Variants in ABCA13 observed in about 807,000 individuals in gnomAD.
ABCA13 encodes the protein ATP-binding cassette sub-family A member 13.
A neutral mutation model predicts 478.7 loss-of-function variants in ABCA13; 476 were observed. The ratio of observed to expected loss-of-function variants is 0.99; its 90% CI spans 0.92 to 1.07. The LOEUF is 1.07. ABCA13 is among the 50% of genes least tolerant of loss of function. The probability of loss-of-function intolerance (pLI) is 0.00; values close to 1 mark genes in which losing one functional copy is unlikely to be tolerated. For synonymous variants in ABCA13, 2,252 were observed against 2,158.9 expected, an observed-to-expected ratio of 1.04 and a Z score of -1.20; for missense variants, 6,060 against 5,910.6, an observed-to-expected ratio of 1.03 and a Z score of -0.83.
Position 48,274,189 on chromosome 7 carries a change from C to A in ABCA13, c.4523C>A (p.Thr1508Lys), listed in dbSNP as rs370867441. 185 of 1,612,004 alleles carry A rather than the reference C, an allele frequency of 1.1e-4. No homozygotes were observed. The highest frequency in any genetic ancestry group is 1.5e-4 in the Non-Finnish European group (178 of 1,178,862). Residue 1508 changes from threonine (T) to lysine (K), a missense_variant, in exon 17 of 62, where the codon ACA (threonine) becomes AAA (lysine). By Grantham distance (78) the Thr-to-Lys change is moderately conservative. Coordinates refer to ENST00000435803, the MANE Select transcript of ABCA13 (RefSeq NM_152701.5). ...KQVRMSINNLTTDFDFASQSN... is the reference protein window; with the variant it reads ...KQVRMSINNLKTDFDFASQSN... ...GTAAGGATGAGTATCAACAACTTAA[C>A]AACAGACTTTGATTTTGCATCTCAG... is the stretch of plus-strand genomic sequence containing the variant.
At chr7:48,528,192 C>A in intron 54 of ABCA13, 44 bp from the exon 55 acceptor site, 2 of 1,438,808 alleles carry the variant, frequency 1.4e-6, no homozygotes, top group Non-Finnish European at 1.9e-6. Flanking sequence ...ATTTATTTAG[C>A]TTGTTTGATT....
chr7:48,310,156 C>A lies in ABCA13; in HGVS notation c.9516+15C>A. ...TCATTTACAAGGTATGGAGAGCATG[C>A]TGGCTGGGGGCAGTCCTCTGCAGGA... On this transcript the variant is annotated intron_variant, in intron 24 of 61. Transcript: ENST00000435803. 1.3e-6 allele frequency: 2 copies of A among 1,592,392 alleles called. No individual in the cohort carries two copies. Among genetic ancestry groups the A allele is most frequent in the South Asian group, 1.2e-5 (1 of 86,690 alleles).
intron 47 of ABCA13, among the ~76,000 whole-genome samples, chr7:48,488,310 A>G (rs1829531196): frequency 6.6e-6 from 1 of 151,950 alleles, no homozygotes; most frequent in South Asian, 2.1e-4. Flanking sequence ...CCACAAACAC[A>G]ATAGCTGCCA....
intron 19 of ABCA13, among the ~76,000 whole-genome samples, chr7:48,287,675 G>A (rs373032592): frequency 3.0e-4 from 45 of 152,312 alleles, no homozygotes; most frequent in African/African-American, 1.0e-3. Flanking sequence ...GGGTGAATGG[G>A]TACCCCACTT....
At chr7:48,255,397 G>A (rs746990521) in intron 15 of ABCA13, among the ~76,000 whole-genome samples, 1 of 152,124 alleles carries the variant, frequency 6.6e-6, no homozygotes, top group Non-Finnish European at 1.5e-5. Flanking sequence ...AGTATGTGAT[G>A]ATCCCATCAC....
intron 19 of ABCA13, among the ~76,000 whole-genome samples, chr7:48,287,420 C>T (rs2128801741): frequency 6.6e-6 from 1 of 152,156 alleles, no homozygotes; most frequent in East Asian, 1.9e-4. Context: ...GACAGACGCA[C>T]AGATGGAGAG....
At chr7:48,301,321 T>C (rs1430138015) in intron 23 of ABCA13, among the ~76,000 whole-genome samples, 1 of 152,140 alleles carries the variant, frequency 6.6e-6, no homozygotes, top group Non-Finnish European at 1.5e-5. Context: ...GGGCCGGTCC[T>C]GGGGGCTGGT....
At chr7:48,223,362 A>G (rs1787650995) in intron 5 of ABCA13, among the ~76,000 whole-genome samples, 1 of 152,160 alleles carries the variant, frequency 6.6e-6, no homozygotes, top group Non-Finnish European at 1.5e-5. Flanking sequence ...CTTCAAGGTC[A>G]TCAAGGGAGA....
chr7:48,556,366 T>C (rs1278218389), intron 55 of ABCA13, among the ~76,000 whole-genome samples: 1 of 152,014 alleles, frequency 6.6e-6, no homozygotes, highest in Non-Finnish European at 1.5e-5. Context: ...GTTGATTTTC[T>C]GTTTATAATA....
chr7:48,218,972 A>G (rs1378140207), intron 3 of ABCA13, among the ~76,000 whole-genome samples: 23 of 152,200 alleles, frequency 1.5e-4, no homozygotes, highest in Admixed American at 1.5e-3. Flanking sequence ...CTCCGTAATT[A>G]TCTCTGTCTC....
At chr7:48,333,718 A>G (rs1195096179) in intron 27 of ABCA13, among the ~76,000 whole-genome samples, 1 of 152,158 alleles carries the variant, frequency 6.6e-6, no homozygotes, top group East Asian at 1.9e-4. Flanking sequence ...GAAAGGACAG[A>G]TGAGATTTCT....
chr7:48,303,849 T>C (rs919371144), intron 23 of ABCA13, among the ~76,000 whole-genome samples: 1 of 152,202 alleles, frequency 6.6e-6, no homozygotes, highest in African/African-American at 2.4e-5. Flanking sequence ...ATCTTTTATA[T>C]TTTCATCCAA....
rs200520049 is a variant in ABCA13 at position 48,467,042 on chromosome 7, G to A, written c.12902G>A (p.Arg4301His). Residue 4301 changes from arginine to histidine, a missense_variant, in exon 44 of 62, where the codon CGC becomes CAC. Around this residue, in one of 3 missense-constraint regions of ABCA13, gnomAD observed 1,627 missense variants for 1,571.0 expected, o/e 1.04. Transcript: ENST00000435803. The part of the protein sequence containing the change: ...QDLPCADLNP[R>H]QKNSSCWRTD... ...TTGCCCTGTGCAGATTTAAACCCAC[G>A]CCAGTAAGTGTCAGGTGCTCTCTGC... 2.4e-4 allele frequency: 393 copies of A among 1,613,770 alleles called. 1 individual carries two copies. Among genetic ancestry groups the A allele is most frequent in the Non-Finnish European group, 3.1e-4 (365 of 1,179,808 alleles).
chr7:48,586,952 C>T (rs1421284947), intron 56 of ABCA13, among the ~76,000 whole-genome samples: 2 of 152,122 alleles, frequency 1.3e-5, no homozygotes, highest in Non-Finnish European at 2.9e-5. Context: ...TTAGATGTCT[C>T]CAGCTGCAGA....
rs1358748278 is a variant in ABCA13 at position 48,580,269 on chromosome 7, T to C, written c.14400T>C (p.Ile4800=). The change falls in exon 56 of 62, where the codon ATT becomes ATC. Residue 4800 remains isoleucine (I), a synonymous_variant. Transcript: ENST00000435803. ...CTGCTGGCACGGCAGGCGTGCTCAT[T>C]GGCTACTGTCCCCAGCAGGATGCCC... ...LSSAGTAGVL[I]GYCPQQDALD... The C allele has an allele frequency of 6.2e-7, 1 of 1,611,790 alleles. No individual in the cohort carries two copies. Among genetic ancestry groups the C allele is most frequent in the South Asian group, 1.1e-5 (1 of 90,590 alleles).
chr7:48,214,632 T>C (rs1786168438), intron 3 of ABCA13, among the ~76,000 whole-genome samples: 2 of 152,210 alleles, frequency 1.3e-5, no homozygotes, highest in South Asian at 2.1e-4. Flanking sequence ...CTTCACCTTG[T>C]ACTTTTATGT....
intron 58 of ABCA13, among the ~76,000 whole-genome samples, chr7:48,607,256 A>G (rs116674186): frequency 0.026 from 3,888 of 152,220 alleles, 166 homozygotes; most frequent in African/African-American, 0.088. Flanking sequence ...GCACGTTCCT[A>G]CCAGTACGGT....
At chr7:48,462,039 G>A (rs1442469287) in intron 43 of ABCA13, among the ~76,000 whole-genome samples, 1 of 152,010 alleles carries the variant, frequency 6.6e-6, no homozygotes, top group Admixed American at 6.6e-5. Context: ...GGGTGTCAAA[G>A]AAGGTTTTTT....
In ABCA13 at chr7:48,273,830, T is replaced by A; in HGVS notation, c.4164T>A (p.Ile1388=). The change falls in exon 17 of 62, where the codon ATT becomes ATA. Residue 1388 remains isoleucine (I), a synonymous_variant. Transcript: ENST00000435803. ...CCACATTTTCCTCTGAGAACACAAT[T>A]AGCAGTCTGAAAGGATGCATTGTAT... ...LNSTFSSENT[I]SSLKGCIVWL... is the part of the protein sequence containing the mutation. The A allele has an allele frequency of 1.2e-6, 2 of 1,612,236 alleles. No homozygotes were observed. The highest frequency in any genetic ancestry group is 1.7e-6 in the Non-Finnish European group (2 of 1,178,936).
Sources: gnomAD v4.1 joint callset for allele counts (sites outside exome capture counted in the v4.1 genomes callset) on GRCh38, gnomAD v4.1.1 for gene constraint, gnomAD v4.1.1 regional missense constraint, MANE v1.5 for transcripts, NCBI Gene and HGNC (gene_info 2026-07-23, HGNC 2026-07-21) for gene names.